The following PRKCQ variants were observed in gnomAD, a reference collection of about 807,000 sequenced individuals.
PRKCQ encodes protein kinase C theta.
Under a neutral mutation model 91.2 loss-of-function variants are expected in PRKCQ, and 41 were observed. The ratio of observed to expected loss-of-function variants is 0.45; its 90% confidence interval spans 0.35 to 0.58. The LOEUF is 0.58. Among genes scored for constraint, PRKCQ ranks in the 20% least tolerant of loss-of-function variants. PRKCQ has a pLI of 0.00. For missense variants in PRKCQ, 673 were observed against 896.5 expected, an observed-to-expected ratio of 0.75 and a Z score of 3.18; for synonymous variants, 307 against 316.9, an observed-to-expected ratio of 0.97 and a Z score of 0.33.
intron 11 of PRKCQ, among the ~76,000 whole-genome samples, chr10:6,482,308 G>T (rs148957595): frequency 9.3e-4 from 142 of 152,266 alleles, no homozygotes; most frequent in African/African-American, 3.4e-3. Flanking sequence ...CACAAGAAGA[G>T]AAAATTTAAG....
At chr10:6,541,962 G>A (rs1022041841) in intron 1 of PRKCQ, among the ~76,000 whole-genome samples, 1 of 151,882 alleles carries the variant, frequency 6.6e-6, no homozygotes, top group African/African-American at 2.4e-5. Flanking sequence ...TGATTAAAAC[G>A]CTGAGCCCAA....
intron 1 of PRKCQ, among the ~76,000 whole-genome samples, chr10:6,571,015 C>T (rs1291346301): frequency 1.3e-5 from 2 of 152,106 alleles, no homozygotes; most frequent in East Asian, 1.9e-4. Flanking sequence ...CTGCTGAGTG[C>T]GAGGGGACGG....
chr10:6,551,387 C>CA (rs1840177456), intron 1 of PRKCQ, among the ~76,000 whole-genome samples: 1 of 145,424 alleles, frequency 6.9e-6, no homozygotes, highest in African/African-American at 2.5e-5. Flanking sequence ...ACCACATTTT[C>CA]TTTTTTTTTT....
intron 1 of PRKCQ, among the ~76,000 whole-genome samples, chr10:6,519,984 T>C (rs186728285): frequency 3.2e-4 from 49 of 152,314 alleles, no homozygotes; most frequent in African/African-American, 1.2e-3. Flanking sequence ...AATAAAGTTC[T>C]TTTCTACTGT....
chr10:6,556,202 G>C (rs549343986), intron 1 of PRKCQ, among the ~76,000 whole-genome samples: 25 of 152,298 alleles, frequency 1.6e-4, no homozygotes, highest in African/African-American at 5.8e-4. Context: ...GGCTGAGATA[G>C]GAGGATCACT....
intron 15 of PRKCQ, among the ~76,000 whole-genome samples, chr10:6,449,405 C>T (rs1005450917): frequency 6.6e-6 from 1 of 152,094 alleles, no homozygotes; most frequent in East Asian, 1.9e-4. Flanking sequence ...AAGAAACGAA[C>T]AAAGCCTCCA....
the PRKCQ span, among the ~76,000 whole-genome samples, chr10:6,411,289 A>C: frequency 6.6e-6 from 1 of 152,184 alleles, no homozygotes; most frequent in African/African-American, 2.4e-5. Flanking sequence ...TATTTAAAGC[A>C]CTTAGAAAGT....
chr10:6,442,070 A>T lies in PRKCQ; in HGVS notation c.1659T>A (p.Gly553=). Residue 553 remains glycine (G), a synonymous_variant, in exon 16 of 18, where the codon GGT becomes GGA. Coordinates refer to ENST00000263125, the MANE Select transcript of PRKCQ (RefSeq NM_006257.5). ...AGTCCACAGAGTGGTTGTATTTCTG[A>T]CCCAGCAAGATCTGCACAACCAAAA... is the stretch of plus-strand genomic sequence containing the variant. ...PDYIAPEILL[G]QKYNHSVDWW... is the part of the protein sequence containing the mutation. 1 of 1,612,124 alleles carries T rather than the reference A, an allele frequency of 6.2e-7. No individual in the cohort carries two copies. Among genetic ancestry groups the T allele is most frequent in the East Asian group, 2.2e-5 (1 of 44,802 alleles).
the PRKCQ span, among the ~76,000 whole-genome samples, chr10:6,400,982 A>T: frequency 6.6e-6 from 1 of 152,376 alleles, no homozygotes; most frequent in East Asian, 1.9e-4. Context: ...ATTCAAATTT[A>T]AAACTGTTGG....
intron 1 of PRKCQ, among the ~76,000 whole-genome samples, chr10:6,559,137 A>G (rs1361836044): frequency 6.6e-6 from 1 of 152,232 alleles, no homozygotes. Context: ...ACGTATCCTC[A>G]TTAGGAACAT....
chr10:6,542,032 T>C (rs1183924776), intron 1 of PRKCQ, among the ~76,000 whole-genome samples: 1 of 152,216 alleles, frequency 6.6e-6, no homozygotes, highest in African/African-American at 2.4e-5. Flanking sequence ...TCTCAACACG[T>C]TCCTCAACTC....
intron 16 of PRKCQ, among the ~76,000 whole-genome samples, chr10:6,439,973 A>G (rs987800512): frequency 3.3e-5 from 5 of 152,070 alleles, no homozygotes; most frequent in African/African-American, 1.2e-4. Context: ...TATAATCCCC[A>G]TGTGTCACGG....
At position 6,442,101 on chromosome 10, in the gene PRKCQ, A is replaced by G. The variant is rs755540917; in HGVS notation, c.1648-20T>C. 360 of 1,602,046 alleles carry G rather than the reference A, an allele frequency of 2.2e-4. No homozygotes were observed. Among genetic ancestry groups the G allele is most frequent in the Non-Finnish European group, 2.2e-5 (26 of 1,170,552 alleles). On this transcript the variant is annotated intron_variant, in intron 15 of 17. Transcript: ENST00000263125. ...CAAGATCTGCACAACCAAAAGGCAG[A>G]CAGGAAATTAACAGGAATGAGGCTG...
chr10:6,467,271 T>G (rs1234430082), intron 12 of PRKCQ, among the ~76,000 whole-genome samples: 1 of 150,530 alleles, frequency 6.6e-6, no homozygotes, highest in Non-Finnish European at 1.5e-5. Flanking sequence ...TCTGGCCACC[T>G]GCTGAGAGAG....
At chr10:6,533,257 G>A (rs923226864) in intron 1 of PRKCQ, among the ~76,000 whole-genome samples, 1 of 152,138 alleles carries the variant, frequency 6.6e-6, no homozygotes, top group Non-Finnish European at 1.5e-5. Context: ...GAGTGCAGTG[G>A]CATGATCTCG....
chr10:6,524,754 G>A (rs1839135939), intron 1 of PRKCQ, among the ~76,000 whole-genome samples: 1 of 152,082 alleles, frequency 6.6e-6, no homozygotes, highest in South Asian at 2.1e-4. Context: ...AGTGGGTGAG[G>A]AGGGAGGAGG....
chr10:6,512,714 C>G (rs79716526), intron 2 of PRKCQ, among the ~76,000 whole-genome samples: 1,600 of 152,290 alleles, frequency 0.011, 23 homozygotes, highest in African/African-American at 0.037. Flanking sequence ...CAAAGCTAAA[C>G]AGAGCAGACA....
At chr10:6,564,269 AC>A (rs2130961507) in intron 1 of PRKCQ, among the ~76,000 whole-genome samples, 1 of 152,298 alleles carries the variant, frequency 6.6e-6, no homozygotes, top group East Asian at 1.9e-4. Context: ...GAAGAGCGAG[AC>A]TAGAGGCTCA....
At chr10:6,456,315 A>C (rs1218629664) in intron 15 of PRKCQ, among the ~76,000 whole-genome samples, 1 of 152,222 alleles carries the variant, frequency 6.6e-6, no homozygotes, top group African/African-American at 2.4e-5. Flanking sequence ...TTAGAAACTC[A>C]GTCCAGGTCT....
Sources: allele counts gnomAD v4.1 joint callset (sites outside exome capture counted in the v4.1 genomes callset), GRCh38; gene constraint gnomAD v4.1.1; transcripts MANE v1.5; gene names NCBI Gene and HGNC (gene_info 2026-07-23, HGNC 2026-07-21).